The following HMCN1 variants were observed in gnomAD, a reference collection of about 807,000 sequenced individuals.
HMCN1 encodes hemicentin-1.
In HMCN1, 321 loss-of-function variants were observed where a neutral mutation model predicts 625.9. The observed-to-expected ratio is 0.51, with a 90% CI of 0.47 to 0.56. HMCN1 has a LOEUF of 0.56. Among genes scored for constraint, HMCN1 ranks in the 20% least tolerant of loss-of-function variants. The pLI, the probability that HMCN1 is intolerant of heterozygous loss-of-function variation, is 0.00. For missense variants in HMCN1, 6,588 were observed against 6,887.3 expected (o/e 0.96, Z 1.54); for synonymous variants, 2,425 against 2,417.6 (o/e 1.00, Z -0.09).
chr1:185,796,163 A>G (rs1459421563), intron 1 of HMCN1, among the ~76,000 whole-genome samples: 3 of 152,168 alleles, frequency 2.0e-5, no homozygotes, highest in Non-Finnish European at 4.4e-5. Context: ...AAACTGTTCT[A>G]TCTTAGAACA....
rs563773111 is a variant in HMCN1, at chr1:185,739,418, C to A, written c.268+4371C>A. 7.9e-5 allele frequency among the ~76,000 whole-genome samples: 12 copies of A among 152,286 alleles called. No individual in the cohort carries two copies. The South Asian group carries it at 2.3e-3, about 29-fold the overall frequency. Reference sequence around the variant, plus strand: ...CCTTGAAATACAACATTGAGGAGGGCTGATCATCTCTCTTTCACTATAGCT... The same window carrying A: ...CCTTGAAATACAACATTGAGGAGGGATGATCATCTCTCTTTCACTATAGCT... On this transcript the variant is annotated intron_variant, in intron 1 of 106. Transcript: ENST00000271588.
At chr1:185,879,910 AG>A (rs1664190513) in intron 4 of HMCN1, among the ~76,000 whole-genome samples, 1 of 152,152 alleles carries the variant, frequency 6.6e-6, no homozygotes. Flanking sequence ...ATGGAGAGAA[AG>A]TGAGCCAGGT....
Position 185,923,441 on chromosome 1 carries a change from G to A in HMCN1, c.1073G>A (p.Arg358Lys), listed in dbSNP as rs773410580. 11 of 1,610,694 alleles carry A rather than the reference G, an allele frequency of 6.8e-6. No individual in the cohort carries two copies. The highest frequency in any genetic ancestry group is 1.1e-5 in the South Asian group (1 of 91,010). Residue 358 changes from arginine to lysine, a missense_variant, in exon 8 of 107, where the codon AGA becomes AAA. Arg to Lys is a conservative substitution (Grantham distance 26, BLOSUM62 2). Around this residue, in one of 3 missense-constraint regions of HMCN1, gnomAD observed 4,628 missense variants for 4,853.1 expected, o/e 0.95. Coordinates refer to ENST00000271588, the MANE Select transcript of HMCN1 (RefSeq NM_031935.3). ...LNTSGISTPARIDLLELLSIS... is the reference protein window; with the variant it reads ...LNTSGISTPAKIDLLELLSIS... ...ACTTCTGGAATTTCCACTCCAGCTAGAATAGATCTTCTTGAACTTTTGAGT... is the reference window on the plus strand; with the variant it reads ...ACTTCTGGAATTTCCACTCCAGCTAAAATAGATCTTCTTGAACTTTTGAGT...
intron 1 of HMCN1, among the ~76,000 whole-genome samples, chr1:185,805,649 A>G (rs6676629): frequency 6.6e-6 from 1 of 152,082 alleles, no homozygotes; most frequent in Non-Finnish European, 1.5e-5. Flanking sequence ...CTTTTTGCAA[A>G]TTTATTCTGG....
intron 13 of HMCN1, among the ~76,000 whole-genome samples, chr1:185,964,893 T>A (rs1650292646): frequency 6.6e-6 from 1 of 152,058 alleles, no homozygotes; most frequent in South Asian, 2.1e-4. Context: ...TATTTTGGGC[T>A]ATCAGTGAAG....
At chr1:185,896,021 T>C (rs1203670678) in intron 4 of HMCN1, among the ~76,000 whole-genome samples, 3 of 152,020 alleles carry the variant, frequency 2.0e-5, no homozygotes, top group African/African-American at 7.3e-5. Context: ...CTGCAAGCTC[T>C]GCCTCCCAGG....
intron 1 of HMCN1, among the ~76,000 whole-genome samples, chr1:185,762,154 C>T (rs1655552988): frequency 6.6e-6 from 1 of 152,162 alleles, no homozygotes; most frequent in African/African-American, 2.4e-5. Context: ...AGAAGACTTA[C>T]ACTCTAGCCT....
intron 68 of HMCN1, 136 bp downstream of exon 68, chr1:186,095,657 T>G: frequency 1.2e-6 from 1 of 855,232 alleles, no homozygotes; most frequent in Non-Finnish European, 1.8e-6. Flanking sequence ...TTAATTTTTT[T>G]TATAATTCAC....
rs570772194 is a variant in HMCN1 at position 185,951,713 on chromosome 1, G to A, written c.1829-10805G>A. The stretch of plus-strand genomic sequence containing the variant: ...TGGGACGTGGCTTAGGAGGAATCCC[G>A]GGCTGAGGGCATTTCTTGGCCCAGT... On this transcript the variant is annotated intron_variant, in intron 11 of 106. Coordinates refer to ENST00000271588, the MANE Select transcript of HMCN1 (RefSeq NM_031935.3). Among the ~76,000 whole-genome samples the A allele has an allele frequency of 2.1e-3, 317 of 151,892 alleles. 8 individuals are homozygous for A. Among genetic ancestry groups the A allele is most frequent in the Admixed American group, 0.016 (239 of 15,246 alleles).
intron 30 of HMCN1, among the ~76,000 whole-genome samples, chr1:186,011,140 G>C (rs765955500): frequency 2.5e-4 from 38 of 151,980 alleles, no homozygotes; most frequent in Admixed American, 1.3e-4. Flanking sequence ...CCGCCTCTTC[G>C]GTTCAAGTGA....
chr1:186,166,117 G>A lies in HMCN1; in HGVS notation c.15320-67G>A, dbSNP rs1651861411. 3 of 1,585,096 alleles carry A rather than the reference G, an allele frequency of 1.9e-6. No individual in the cohort carries two copies. The East Asian group carries it at 6.7e-5, about 35-fold the overall frequency. On this transcript the variant is annotated intron_variant, in intron 98 of 106. Transcript: ENST00000271588. Reference sequence around the variant, plus strand: ...CCTCTATAAGCAGTTATTTTTACTGGCTTTAATAACTCCCAGAAAGTAAGG... The same window carrying A: ...CCTCTATAAGCAGTTATTTTTACTGACTTTAATAACTCCCAGAAAGTAAGG...
At chr1:186,180,569 T>A (rs1652870148) in intron 104 of HMCN1, among the ~76,000 whole-genome samples, 1 of 152,190 alleles carries the variant, frequency 6.6e-6, no homozygotes, top group African/African-American at 2.4e-5. Context: ...TTCATCACTA[T>A]CTATGGCTGC....
intron 9 of HMCN1, among the ~76,000 whole-genome samples, chr1:185,926,841 G>A (rs937936145): frequency 1.3e-5 from 2 of 152,198 alleles, no homozygotes; most frequent in African/African-American, 4.8e-5. Flanking sequence ...TGCATTAGCA[G>A]CAGGGTGCAT....
At chr1:185,809,863 G>A (rs912345662) in intron 1 of HMCN1, among the ~76,000 whole-genome samples, 2 of 152,022 alleles carry the variant, frequency 1.3e-5, no homozygotes, top group Non-Finnish European at 2.9e-5. Flanking sequence ...CTACCTAGTG[G>A]AAACTCCAAA....
intron 1 of HMCN1, 46 bp from the exon 2 acceptor site, chr1:185,845,980 G>A: frequency 8.3e-7 from 1 of 1,209,666 alleles, no homozygotes; most frequent in Non-Finnish European, 1.2e-6. Flanking sequence ...AGTCTTTAAT[G>A]CCATTGATTA....
chr1:185,929,380 G>A (rs1343950675), intron 10 of HMCN1, among the ~76,000 whole-genome samples: 1 of 152,056 alleles, frequency 6.6e-6, no homozygotes, highest in East Asian at 1.9e-4. Context: ...ACATTAAAGT[G>A]AAAAAAATAA....
At position 185,834,672 on chromosome 1, in the gene HMCN1, C is replaced by G. The variant is rs572613336; in HGVS notation, c.269-11354C>G. Among the ~76,000 whole-genome samples the G allele has an allele frequency of 6.6e-5, 10 of 152,240 alleles. No homozygotes were observed. The East Asian group carries it at 1.9e-3, about 29-fold the overall frequency. The stretch of plus-strand genomic sequence containing the variant: ...TTTTTTTAGAAGCAGGGCATTACGT[C>G]CAGCCTATAGCCAAGAGGAGGGGAT... On this transcript the variant is annotated intron_variant, in intron 1 of 106. Transcript: ENST00000271588.
At chr1:186,132,510 A>G in intron 86 of HMCN1, 101 bp downstream of exon 86, 1 of 908,118 alleles carries the variant, frequency 1.1e-6, no homozygotes, top group Non-Finnish European at 1.8e-6. Flanking sequence ...CATTAGTGGT[A>G]GCTCTCAGAG....
chr1:186,147,972 A>G (rs1650426285), intron 93 of HMCN1, among the ~76,000 whole-genome samples: 1 of 152,210 alleles, frequency 6.6e-6, no homozygotes, highest in Admixed American at 6.5e-5. Flanking sequence ...TCTTCCTTTC[A>G]TGAATGATTT....
Sources: allele counts gnomAD v4.1 joint callset (sites outside exome capture counted in the v4.1 genomes callset), GRCh38; gene constraint gnomAD v4.1.1; regional missense constraint gnomAD v4.1.1; transcripts MANE v1.5; gene names NCBI Gene and HGNC (gene_info 2026-07-23, HGNC 2026-07-21).